The following PPEF2 variants were observed in gnomAD, a reference collection of about 807,000 sequenced individuals.
PPEF2 encodes the protein serine/threonine-protein phosphatase with EF-hands 2.
Under a neutral mutation model 84.7 loss-of-function variants are expected in PPEF2, and 84 were observed. That is an observed-to-expected ratio of 0.99 (90% CI 0.83 to 1.19). The LOEUF (loss-of-function observed/expected upper bound fraction) is 1.19. PPEF2 is among the 50% of genes most tolerant of loss of function. PPEF2 has a pLI of 0.00. For synonymous variants in PPEF2, 346 were observed against 345.2 expected (o/e 1.00, Z -0.03); for missense variants, 924 against 937.5 (o/e 0.99, Z 0.19).
At chr4:75,866,624 G>C (rs1724139001) in intron 14 of PPEF2, 1 of 434,032 alleles carries the variant, frequency 2.3e-6, no homozygotes, top group Admixed American at 3.9e-5. Context: ...TTGTCTGTTT[G>C]TCTGTAATTC....
At chr4:75,879,019 A>G (rs1560483541) in intron 10 of PPEF2, among the ~76,000 whole-genome samples, 2 of 152,162 alleles carry the variant, frequency 1.3e-5, no homozygotes, top group African/African-American at 4.8e-5. Flanking sequence ...CCTCCCATTC[A>G]CACACATTCC....
At chr4:75,871,424 G>C (rs1724274895) in intron 13 of PPEF2, among the ~76,000 whole-genome samples, 1 of 152,062 alleles carries the variant, frequency 6.6e-6, no homozygotes, top group African/African-American at 2.4e-5. Flanking sequence ...TTAGTAAGCA[G>C]ACTTTACCCA....
intron 1 of PPEF2, among the ~76,000 whole-genome samples, chr4:75,901,761 T>C (rs1725129535): frequency 1.3e-5 from 2 of 152,190 alleles, no homozygotes; most frequent in South Asian, 4.1e-4. Flanking sequence ...CTTCTCCTTC[T>C]AGAATTTGAC....
Position 75,882,845 on chromosome 4 carries a change from A to T in PPEF2, c.933+81T>A, listed in dbSNP as rs191462570. The T allele has an allele frequency of 2.8e-5, 41 of 1,450,726 alleles. 1 individual carries two copies. In the Admixed American group the frequency reaches 6.0e-4, roughly 21 times the overall value. The allele number at this position is 1,450,726 out of a possible 1,614,324, so 89.9% of individuals were successfully genotyped here. On this transcript the variant is annotated intron_variant, in intron 10 of 16. Transcript: ENST00000286719. Reference sequence around the variant, plus strand: ...TTAACAGCCATAATCAGTTGACTGCAGTCAGCATGTAAGATGACATTTATA... The same window carrying T: ...TTAACAGCCATAATCAGTTGACTGCTGTCAGCATGTAAGATGACATTTATA...
At chr4:75,866,070 C>A (rs369639768) in intron 15 of PPEF2, 119 bp downstream of exon 15, 30 of 1,136,528 alleles carry the variant, frequency 2.6e-5, no homozygotes, top group South Asian at 1.6e-4. Context: ...AATAGTTATT[C>A]CCCTTTCTCA....
intron 10 of PPEF2, among the ~76,000 whole-genome samples, chr4:75,877,746 CAG>C (rs997549339): frequency 2.0e-5 from 3 of 151,564 alleles, no homozygotes; most frequent in Non-Finnish European, 2.9e-5. Flanking sequence ...ACACATGTCA[CAG>C]GGGGTTGTTT....
intron 4 of PPEF2, among the ~76,000 whole-genome samples, chr4:75,890,432 T>C (rs767755974): frequency 6.9e-5 from 10 of 145,256 alleles, no homozygotes; most frequent in Non-Finnish European, 1.5e-4. Flanking sequence ...GAGGTTTCAA[T>C]GAGCAGAGAT....
chr4:75,861,292 A>G (rs548900182), intron 16 of PPEF2, among the ~76,000 whole-genome samples: 1 of 152,232 alleles, frequency 6.6e-6, no homozygotes, highest in South Asian at 2.1e-4. Flanking sequence ...ACCACTGTTG[A>G]GAAACCCTGC....
At position 75,896,328 on chromosome 4, in the gene PPEF2, T is replaced by C. The variant is rs554918974; in HGVS notation, c.-3A>G. The C allele has an allele frequency of 6.2e-7, 1 of 1,614,032 alleles. No individual in the cohort carries two copies. Among genetic ancestry groups the C allele is most frequent in the Non-Finnish European group, 8.5e-7 (1 of 1,180,018 alleles). ...TGGGTGGAGGTGCCGCTTCCCATAGTTTAAGCGCAATGCTCCTGCAGGACG... is the reference window on the plus strand; with the variant it reads ...TGGGTGGAGGTGCCGCTTCCCATAGCTTAAGCGCAATGCTCCTGCAGGACG... On this transcript the variant is annotated 5_prime_UTR_variant, in exon 2 of 17. Coordinates refer to ENST00000286719, the MANE Select transcript of PPEF2 (RefSeq NM_006239.3).
intron 15 of PPEF2, 151 bp downstream of exon 15, chr4:75,866,038 C>T: frequency 1.1e-6 from 1 of 901,924 alleles, no homozygotes; most frequent in South Asian, 2.0e-5. Flanking sequence ...AACACAAAAG[C>T]CTGACACATA....
At position 75,873,054 on chromosome 4, in the gene PPEF2, C is replaced by T. The variant is rs1000548872; in HGVS notation, c.1506+73G>A. On this transcript the variant is annotated intron_variant, in intron 12 of 16. Transcript: ENST00000286719. ...GGTTGTTAGAAACTGAGAGCCTTTG[C>T]TCATCCAGGCCTGAGCCCTTCGGAC... 15 of 1,407,252 alleles carry T rather than the reference C, an allele frequency of 1.1e-5. No individual in the cohort carries two copies. The Admixed American group carries it at 1.5e-4, about 14-fold the overall frequency. 87.2% of individuals were successfully genotyped at this position (1,407,252 alleles called of 1,614,324 possible).
rs112822761 is a variant in PPEF2 at position 75,886,742 on chromosome 4, A to T, written c.579+110T>A. 4,565 of 557,902 alleles carry T rather than the reference A, an allele frequency of 8.2e-3. 181 individuals are homozygous for T. The African/African-American group carries it at 0.085, about 10-fold the overall frequency. The allele number at this position is 557,902 out of a possible 1,614,324, so 34.6% of individuals were successfully genotyped here. A position where few individuals can be genotyped will look rare whatever the true frequency, so the allele number is the denominator to read the frequency against. The stretch of plus-strand genomic sequence containing the variant: ...TCTCAAAAAAATAAAAATAAATAAT[A>T]ATATTTTAAAACTTCAAGTAATATT... On this transcript the variant is annotated intron_variant, in intron 7 of 16. Transcript: ENST00000286719.
At position 75,887,351 on chromosome 4, in the gene PPEF2, G is replaced by T. The variant is rs191390648; in HGVS notation, c.533-453C>A. Among the ~76,000 whole-genome samples, 1,032 of 152,284 alleles carry T rather than the reference G, an allele frequency of 6.8e-3. 12 individuals are homozygous for T. Among genetic ancestry groups the T allele is most frequent in the African/African-American group, 0.024 (988 of 41,542 alleles). ...TTTTAAAAGTTTATGGGCCGGGCGG[G>T]TGGCTCACGCCTGTAATCCCAGCAC... On this transcript the variant is annotated intron_variant, in intron 6 of 16. Transcript: ENST00000286719.
At chr4:75,885,940 C>T (rs901050764) in intron 7 of PPEF2, among the ~76,000 whole-genome samples, 5 of 151,380 alleles carry the variant, frequency 3.3e-5, no homozygotes, top group South Asian at 2.1e-4. Flanking sequence ...ACCTGGGACG[C>T]GGAGGTTGCA....
chr4:75,860,419 G>T lies in PPEF2; in HGVS notation c.*248C>A. The T allele has an allele frequency of 9.8e-6, 5 of 510,370 alleles. No individual in the cohort carries two copies. In the South Asian group the frequency reaches 1.5e-4, roughly 15 times the overall value. 31.6% of individuals were successfully genotyped at this position (510,370 alleles called of 1,614,324 possible). A position where few individuals can be genotyped will look rare whatever the true frequency, so the allele number is the denominator to read the frequency against. On this transcript the variant is annotated 3_prime_UTR_variant, in exon 17 of 17. Transcript: ENST00000286719. Reference sequence around the variant, plus strand: ...TTAACTGAAGTGGACTTTAGAATTTGAAAACACTATACCTAAGTTCTACTT... The same window carrying T: ...TTAACTGAAGTGGACTTTAGAATTTTAAAACACTATACCTAAGTTCTACTT...
At chr4:75,879,036 G>A (rs1724499838) in intron 10 of PPEF2, among the ~76,000 whole-genome samples, 1 of 152,058 alleles carries the variant, frequency 6.6e-6, no homozygotes, top group Non-Finnish European at 1.5e-5. Flanking sequence ...TTCCTCTCCT[G>A]GTAAGAAGTC....
chr4:75,860,398 C>A lies in PPEF2; in HGVS notation c.*269G>T. 2.2e-6 allele frequency: 1 copy of A among 457,170 alleles called. No individual in the cohort carries two copies. The allele number at this position is 457,170 out of a possible 1,614,324, so 28.3% of individuals were successfully genotyped here. On this transcript the variant is annotated 3_prime_UTR_variant, in exon 17 of 17. Coordinates refer to ENST00000286719, the MANE Select transcript of PPEF2 (RefSeq NM_006239.3). ...GAGTTACATTGTCAGTGGTTCTTAA[C>A]TGAAGTGGACTTTAGAATTTGAAAA...
Position 75,873,306 on chromosome 4 carries a change from C to A in PPEF2, c.1327G>T (p.Asp443Tyr). ...PTQEEWRQVV[D>Y]ILWSDPMAQE... ...GCCATGGGATCACTCCACAGGATATCTACAACCTGAGAAGACCAAGAGATG... is the reference window on the plus strand; with the variant it reads ...GCCATGGGATCACTCCACAGGATATATACAACCTGAGAAGACCAAGAGATG... The change falls in exon 12 of 17, where the codon GAT (aspartate) becomes TAT (tyrosine). Residue 443 changes from aspartate (D) to tyrosine (Y), a missense_variant. Physicochemically the swap from Asp to Tyr is radical, Grantham distance 160 (BLOSUM62 -3). Coordinates refer to ENST00000286719, the MANE Select transcript of PPEF2 (RefSeq NM_006239.3). 3.7e-6 allele frequency: 6 copies of A among 1,610,640 alleles called. No homozygotes were observed. Among genetic ancestry groups the A allele is most frequent in the Non-Finnish European group, 3.4e-6 (4 of 1,178,548 alleles).
At position 75,889,936 on chromosome 4, in the gene PPEF2, A is replaced by G. The variant is rs768573184; in HGVS notation, c.417+21T>C. 8.7e-6 allele frequency: 14 copies of G among 1,612,918 alleles called. No individual in the cohort carries two copies. In the East Asian group the frequency reaches 3.1e-4, roughly 36 times the overall value. ...CATTTCATGGAGTTGGTAGTGACCC[A>G]GGTTCCCCAGGTGAGCTTACTTGTT... On this transcript the variant is annotated intron_variant, in intron 5 of 16. Coordinates refer to ENST00000286719, the MANE Select transcript of PPEF2 (RefSeq NM_006239.3).
Sources: allele counts gnomAD v4.1 joint callset (sites outside exome capture counted in the v4.1 genomes callset), GRCh38; gene constraint gnomAD v4.1.1; transcripts MANE v1.5; gene names NCBI Gene and HGNC (gene_info 2026-07-23, HGNC 2026-07-21).